The following KCNIP4 variants were observed in gnomAD, a reference collection of about 807,000 sequenced individuals.
The protein encoded by KCNIP4 is potassium voltage-gated channel interacting protein 4.
A neutral mutation model predicts 34.0 loss-of-function variants in KCNIP4; 12 were observed. The observed-to-expected ratio is 0.35, with a 90% confidence interval of 0.23 to 0.57. KCNIP4 has a LOEUF of 0.57. Ranked by LOEUF, KCNIP4 falls within the 20% of genes least tolerant of loss-of-function variation. The pLI is 0.83. For missense variants in KCNIP4, 238 were observed against 311.7 expected, an observed-to-expected ratio of 0.76 and a Z score of 1.78; for synonymous variants, 124 against 102.2, an observed-to-expected ratio of 1.21 and a Z score of -1.29.
At chr4:21,757,107 G>T (rs911946268) in intron 1 of KCNIP4, among the ~76,000 whole-genome samples, 1 of 3,010 alleles carries the variant, frequency 3.3e-4, no homozygotes, top group African/African-American at 3.4e-3. Flanking sequence ...AAAAAAGAAA[G>T]AAAGAAAGAA....
At chr4:21,354,679 A>AT (rs1295729535) in intron 1 of KCNIP4, among the ~76,000 whole-genome samples, 1 of 152,210 alleles carries the variant, frequency 6.6e-6, no homozygotes, top group Non-Finnish European at 1.5e-5. Flanking sequence ...AGAGACTTAG[A>AT]TTCCCCCACA....
chr4:21,110,276 C>G (rs982571509), intron 1 of KCNIP4, among the ~76,000 whole-genome samples: 1 of 152,096 alleles, frequency 6.6e-6, no homozygotes, highest in Admixed American at 6.6e-5. Flanking sequence ...TGTTTATGAT[C>G]ATGTAGGTGG....
chr4:21,144,601 T>C (rs1004120996), intron 1 of KCNIP4, among the ~76,000 whole-genome samples: 4 of 152,186 alleles, frequency 2.6e-5, no homozygotes, highest in Non-Finnish European at 1.5e-5. Context: ...TTTGGCATAC[T>C]GGAATATAAA....
chr4:21,184,841 C>A lies in KCNIP4; in HGVS notation c.62-302132G>T, dbSNP rs11936330. ...GTACTAGCTCTCTACTGAGTTCAAA[C>A]CACCTAGCACAGGTGATCTCATACT... On this transcript the variant is annotated intron_variant, in intron 1 of 8. Transcript: ENST00000382152. 9.0e-3 allele frequency among the ~76,000 whole-genome samples: 1,375 copies of A among 152,276 alleles called. 31 individuals are homozygous for A. The highest frequency in any genetic ancestry group is 0.031 in the African/African-American group (1,302 of 41,550).
intron 1 of KCNIP4, among the ~76,000 whole-genome samples, chr4:21,015,841 A>G (rs1297286175): frequency 1.4e-5 from 2 of 139,176 alleles, no homozygotes; most frequent in African/African-American, 5.2e-5. Flanking sequence ...TACAATATAT[A>G]CAATATATAA....
chr4:20,984,304 C>T (rs1019925919), intron 1 of KCNIP4, among the ~76,000 whole-genome samples: 45 of 152,188 alleles, frequency 3.0e-4, no homozygotes, highest in African/African-American at 1.0e-3. Context: ...GAAACTTGCC[C>T]GGGAGAACAC....
At chr4:21,277,122 C>G (rs991002979) in intron 1 of KCNIP4, among the ~76,000 whole-genome samples, 2 of 152,112 alleles carry the variant, frequency 1.3e-5, no homozygotes, top group African/African-American at 4.8e-5. Flanking sequence ...GTATTCAATT[C>G]CAACTGGCAA....
chr4:20,964,713 G>C (rs1056500299), intron 1 of KCNIP4, among the ~76,000 whole-genome samples: 1 of 152,122 alleles, frequency 6.6e-6, no homozygotes, highest in African/African-American at 2.4e-5. Flanking sequence ...ATGCTTAGCT[G>C]TACCAGGGAA....
chr4:21,359,975 T>C (rs929738262), intron 1 of KCNIP4, among the ~76,000 whole-genome samples: 2 of 152,098 alleles, frequency 1.3e-5, no homozygotes, highest in Admixed American at 1.3e-4. Flanking sequence ...GAGAAGGGGA[T>C]TGTGTGCAAG....
chr4:21,528,755 GAAAGAAAGAAAGAAAGA>G (rs1736309996), intron 1 of KCNIP4, among the ~76,000 whole-genome samples: 1 of 9,308 alleles, frequency 1.1e-4, no homozygotes, highest in African/African-American at 4.8e-4. Context: ...AAGAAAGAAA[GAAAGAAAGAAAGAAAGA>G]AAGAAAGGAA....
In KCNIP4 at chr4:20,803,717, G is replaced by GGA. The variant is rs1714679786; in HGVS notation, c.289-44828_289-44827insTC. 1.6e-4 allele frequency among the ~76,000 whole-genome samples: 21 copies of GGA among 131,068 alleles called. No individual in the cohort carries two copies. In the South Asian group the frequency reaches 5.7e-3, roughly 36 times the overall value. The allele number at this position is 131,068 out of a possible 152,430, so 86.0% of individuals were successfully genotyped here. ...AGAGAGAGAGAAAGAGAGAGAGAGA[G>GGA]AGAGAGAGAGAGGAAGGAAGGAAGG... On this transcript the variant is annotated intron_variant, in intron 3 of 8. Transcript: ENST00000382152.
chr4:21,112,503 G>T (rs768092054), intron 1 of KCNIP4, among the ~76,000 whole-genome samples: 1 of 152,214 alleles, frequency 6.6e-6, no homozygotes. Flanking sequence ...AACATGCAAA[G>T]ATGGGCTGCC....
At chr4:20,903,608 T>A (rs779413697) in intron 1 of KCNIP4, among the ~76,000 whole-genome samples, 30 of 152,120 alleles carry the variant, frequency 2.0e-4, no homozygotes, top group South Asian at 4.1e-4. Flanking sequence ...CTTTGAGTTG[T>A]CTTGCCTTTC....
In KCNIP4 at chr4:20,852,539, G is replaced by T. The variant is rs111890722; in HGVS notation, c.164-1872C>A. 3.9e-4 allele frequency among the ~76,000 whole-genome samples: 60 copies of T among 152,246 alleles called. 1 individual carries two copies. The highest frequency in any genetic ancestry group is 1.3e-3 in the African/African-American group (52 of 41,550). Reference sequence around the variant, plus strand: ...ACATAATATTGAGTGGGGAAAAGTTGAAAGCATTCCCTCTGAGAATGGAAA... The same window carrying T: ...ACATAATATTGAGTGGGGAAAAGTTTAAAGCATTCCCTCTGAGAATGGAAA... On this transcript the variant is annotated intron_variant, in intron 2 of 8. Coordinates refer to ENST00000382152, the MANE Select transcript of KCNIP4 (RefSeq NM_025221.6).
intron 1 of KCNIP4, among the ~76,000 whole-genome samples, chr4:21,363,464 T>C (rs1452730774): frequency 6.6e-6 from 1 of 152,176 alleles, no homozygotes; most frequent in Non-Finnish European, 1.5e-5. Context: ...GAAGGCCTGC[T>C]TTGTAACCAA....
intron 3 of KCNIP4, among the ~76,000 whole-genome samples, chr4:20,824,191 C>T (rs1366414126): frequency 6.6e-6 from 1 of 152,132 alleles, no homozygotes; most frequent in African/African-American, 2.4e-5. Flanking sequence ...AGCATTATGC[C>T]AGAGGCATTT....
intron 1 of KCNIP4, among the ~76,000 whole-genome samples, chr4:21,604,175 T>G (rs999606909): frequency 6.6e-6 from 1 of 152,166 alleles, no homozygotes; most frequent in Non-Finnish European, 1.5e-5. Context: ...CTACATATAA[T>G]AGTGCTAATG....
intron 1 of KCNIP4, among the ~76,000 whole-genome samples, chr4:21,443,243 C>A (rs1727648513): frequency 6.6e-6 from 1 of 152,166 alleles, no homozygotes; most frequent in Non-Finnish European, 1.5e-5. Context: ...CCTCCACTAG[C>A]TTCTCATCAT....
At chr4:21,577,146 T>C (rs1189421765) in intron 1 of KCNIP4, among the ~76,000 whole-genome samples, 3 of 152,160 alleles carry the variant, frequency 2.0e-5, no homozygotes, top group African/African-American at 7.2e-5. Context: ...AGAAATTTAC[T>C]TGGGCTTGAA....
Sources: gnomAD v4.1 joint callset for allele counts (sites outside exome capture counted in the v4.1 genomes callset) on GRCh38, gnomAD v4.1.1 for gene constraint, MANE v1.5 for transcripts, NCBI Gene and HGNC (gene_info 2026-07-23, HGNC 2026-07-21) for gene names.